Variants in LIMA1 observed in about 807,000 individuals in gnomAD.
LIMA1 encodes LIM domain and actin-binding protein 1.
Under a neutral mutation model 62.6 loss-of-function variants are expected in LIMA1, and 52 were observed. That is an observed-to-expected ratio of 0.83 (90% confidence interval 0.67 to 1.05). The LOEUF (loss-of-function observed/expected upper bound fraction) is 1.05. Among genes scored for constraint, LIMA1 ranks in the 50% least tolerant of loss-of-function variants. The pLI is 0.00. For synonymous variants in LIMA1, 302 were observed against 317.8 expected, an observed-to-expected ratio of 0.95 and a Z score of 0.53; for missense variants, 780 against 902.2, an observed-to-expected ratio of 0.86 and a Z score of 1.74.
intron 2 of LIMA1, among the ~76,000 whole-genome samples, chr12:50,241,462 G>A (rs943383187): frequency 6.6e-6 from 1 of 151,890 alleles, no homozygotes; most frequent in South Asian, 2.1e-4. Context: ...CTTCCCTTTA[G>A]TGTCTAATAG....
intron 1 of LIMA1, among the ~76,000 whole-genome samples, chr12:50,254,020 T>A (rs575947885): frequency 6.0e-5 from 7 of 117,458 alleles, no homozygotes; most frequent in Non-Finnish European, 1.0e-4. Flanking sequence ...AGAGCGAGAC[T>A]CTGTCTCAAA....
intron 4 of LIMA1, among the ~76,000 whole-genome samples, chr12:50,214,044 A>ACACACACACG (rs796917407): frequency 5.3e-5 from 8 of 150,986 alleles, no homozygotes; most frequent in African/African-American, 1.9e-4. Context: ...ACACACACAC[A>ACACACACACG]CACACACGAG....
At chr12:50,261,054 T>A (rs1360848163) in intron 1 of LIMA1, among the ~76,000 whole-genome samples, 1,941 of 106,716 alleles carry the variant, frequency 0.018, 85 homozygotes, top group African/African-American at 0.048. Context: ...TTTTTTTTTT[T>A]TTTTTTTTTT....
chr12:50,206,086 A>T lies in LIMA1; in HGVS notation c.631-18T>A. ...CGGAGAATCTGGAAAACGAAACCCA[A>T]CGATAAGTTTTGCAGAAACAATGGG... On this transcript the variant is annotated intron_variant, in intron 4 of 10. Coordinates refer to ENST00000341247, the MANE Select transcript of LIMA1 (RefSeq NM_016357.5). 1 of 1,606,898 alleles carries T rather than the reference A, an allele frequency of 6.2e-7. No homozygotes were observed. Among genetic ancestry groups the T allele is most frequent in the Non-Finnish European group, 8.5e-7 (1 of 1,174,678 alleles).
At chr12:50,264,965 A>G (rs1024047842) in intron 1 of LIMA1, among the ~76,000 whole-genome samples, 20 of 152,196 alleles carry the variant, frequency 1.3e-4, no homozygotes, top group Non-Finnish European at 2.9e-5. Flanking sequence ...CAGCCTGGGC[A>G]TGATGGTGAG....
chr12:50,252,754 AG>A (rs1374549921), intron 1 of LIMA1, among the ~76,000 whole-genome samples: 1 of 152,156 alleles, frequency 6.6e-6, no homozygotes, highest in Non-Finnish European at 1.5e-5. Context: ...TAACAAAAAA[AG>A]TTTCTGATCC....
Position 50,177,959 on chromosome 12 carries a change from T to C in LIMA1, c.1385A>G (p.Lys462Arg). 1.9e-6 allele frequency: 3 copies of C among 1,613,700 alleles called. No homozygotes were observed. In the East Asian group the frequency reaches 6.7e-5, roughly 36 times the overall value. Residue 462 changes from lysine (K) to arginine (R), a missense_variant, in exon 11 of 11, where the codon AAG becomes AGG. By Grantham distance (26) the Lys-to-Arg change is conservative. Transcript: ENST00000341247. ...TTCATTTTTGCTTGCCCATAGATCC[T>C]TGTGTGGTCTGTGCCCAAAGCCTTC... ...YDEGFGHRPH[K>R]DLWASKNENE...
chr12:50,193,988 T>C (rs1940867197), intron 8 of LIMA1, among the ~76,000 whole-genome samples: 1 of 73,916 alleles, frequency 1.4e-5, no homozygotes, highest in Non-Finnish European at 2.3e-5. Context: ...CATATATATA[T>C]ATATATATAT....
intron 1 of LIMA1, among the ~76,000 whole-genome samples, chr12:50,263,429 A>G (rs1474941072): frequency 6.6e-6 from 1 of 152,178 alleles, no homozygotes; most frequent in Non-Finnish European, 1.5e-5. Context: ...GGTCACAATT[A>G]GTGAGTTGTA....
At chr12:50,192,258 CTCCCGGG>C (rs753908436) in intron 9 of LIMA1, among the ~76,000 whole-genome samples, 187 bp downstream of exon 9, 6 of 152,146 alleles carry the variant, frequency 3.9e-5, no homozygotes, top group Middle Eastern at 3.2e-3. Flanking sequence ...AGCCTTCTCG[CTCCCGGG>C]CCAAAGACCT....
chr12:50,279,206 A>G (rs1171466407), intron 1 of LIMA1, among the ~76,000 whole-genome samples: 1 of 150,928 alleles, frequency 6.6e-6, no homozygotes, highest in Admixed American at 6.6e-5. Context: ...GGGTTTCACT[A>G]TGTTGGCCAG....
intron 7 of LIMA1, among the ~76,000 whole-genome samples, chr12:50,196,854 T>A (rs1940940506): frequency 6.6e-6 from 1 of 152,186 alleles, no homozygotes; most frequent in Non-Finnish European, 1.5e-5. Context: ...ACCGGTACAA[T>A]CACAGCCAGC....
chr12:50,223,477 C>A, intron 3 of LIMA1, among the ~76,000 whole-genome samples: 1 of 136,740 alleles, frequency 7.3e-6, no homozygotes. Flanking sequence ...AGTGAGACGC[C>A]ATCCCCCAAC....
chr12:50,230,473 G>A (rs189933774), intron 3 of LIMA1, among the ~76,000 whole-genome samples: 2 of 149,832 alleles, frequency 1.3e-5, no homozygotes, highest in East Asian at 3.9e-4. Flanking sequence ...AGGGAAGGAA[G>A]AAAGAAAGGA....
At chr12:50,256,079 A>G (rs775288351) in intron 1 of LIMA1, among the ~76,000 whole-genome samples, 3 of 151,764 alleles carry the variant, frequency 2.0e-5, no homozygotes, top group Non-Finnish European at 2.9e-5. Flanking sequence ...TATTTTTAGT[A>G]GAGATGGGGT....
In LIMA1 at chr12:50,267,361, G is replaced by A. The variant is rs373317643; in HGVS notation, c.-24+16059C>T. Among the ~76,000 whole-genome samples the A allele has an allele frequency of 1.0e-4, 15 of 150,118 alleles. No individual in the cohort carries two copies. The East Asian group carries it at 3.0e-3, about 30-fold the overall frequency. Reference sequence around the variant, plus strand: ...GCTGGGATTACAGACGTGAGCCACCGCACCCGGTCACGCCCAGCTAATTTT... The same window carrying A: ...GCTGGGATTACAGACGTGAGCCACCACACCCGGTCACGCCCAGCTAATTTT... On this transcript the variant is annotated intron_variant, in intron 1 of 10. Transcript: ENST00000341247.
At chr12:50,228,675 T>G (rs1408125613) in intron 3 of LIMA1, among the ~76,000 whole-genome samples, 1 of 152,220 alleles carries the variant, frequency 6.6e-6, no homozygotes, top group Non-Finnish European at 1.5e-5. Context: ...AGCGGGGATC[T>G]CTTCCAATTC....
chr12:50,194,331 C>T (rs1940880051), intron 8 of LIMA1, among the ~76,000 whole-genome samples: 1 of 150,534 alleles, frequency 6.6e-6, no homozygotes. Context: ...GAGTCTCGCT[C>T]TGTAGCCCAG....
chr12:50,204,698 G>A lies in LIMA1; in HGVS notation c.718C>T (p.Gln240Ter). ...GAGTCAAATGTAGAAGATGACAACT[G>A]ACCTGGAAGCATCCAAATAACATGT... ...SLDDLEIGPG[Q>*]LSSSTFDSEK... Residue 240 changes from glutamine to a stop codon, truncating the protein, a stop_gained and splice_region_variant, in exon 6 of 11, where the codon CAG becomes TAG. Transcript: ENST00000341247. LOFTEE classifies it high-confidence loss of function. The A allele has an allele frequency of 6.2e-7, 1 of 1,613,870 alleles. No individual in the cohort carries two copies. The highest frequency in any genetic ancestry group is 8.5e-7 in the Non-Finnish European group (1 of 1,179,910).
Sources: allele counts gnomAD v4.1 joint callset (sites outside exome capture counted in the v4.1 genomes callset), GRCh38; gene constraint gnomAD v4.1.1; transcripts MANE v1.5; gene names NCBI Gene and HGNC (gene_info 2026-07-23, HGNC 2026-07-21).